LIPC: variants seen among roughly 807,000 people sequenced by gnomAD.
LIPC encodes the protein hepatic triacylglycerol lipase.
In LIPC, 44 loss-of-function variants were observed where a neutral mutation model predicts 50.7. The ratio of observed to expected loss-of-function variants is 0.87; its 90% CI spans 0.68 to 1.11. LIPC has a LOEUF of 1.11. LIPC is among the 50% of genes most tolerant of loss of function. LIPC has a pLI of 0.00. For missense variants in LIPC, 697 were observed against 648.2 expected (o/e 1.08, Z -0.82); for synonymous variants, 271 against 256.4 (o/e 1.06, Z -0.54).
intron 1 of LIPC, among the ~76,000 whole-genome samples, chr15:58,437,814 G>C (rs555756486): frequency 6.6e-6 from 1 of 152,324 alleles, no homozygotes; most frequent in Non-Finnish European, 1.5e-5. Flanking sequence ...AATCAGCAGA[G>C]GGCCAGCCCC....
At chr15:58,488,852 T>G (rs1891468262) in intron 1 of LIPC, among the ~76,000 whole-genome samples, 1 of 152,182 alleles carries the variant, frequency 6.6e-6, no homozygotes, top group Non-Finnish European at 1.5e-5. Context: ...AGGGATGAAT[T>G]CCCTATTACA....
At chr15:58,543,730 G>A (rs1005215788) in intron 4 of LIPC, among the ~76,000 whole-genome samples, 8 of 152,112 alleles carry the variant, frequency 5.3e-5, no homozygotes, top group South Asian at 4.1e-4. Context: ...TCTGCCTCCC[G>A]GGTTCAAGCG....
intron 1 of LIPC, among the ~76,000 whole-genome samples, chr15:58,450,653 C>T (rs1283868681): frequency 1.3e-5 from 2 of 152,214 alleles, no homozygotes; most frequent in African/African-American, 4.8e-5. Context: ...TGGGACCACA[C>T]AAGCTACCCA....
chr15:58,448,935 A>T (rs485671), intron 1 of LIPC, among the ~76,000 whole-genome samples: 1 of 152,064 alleles, frequency 6.6e-6, no homozygotes, highest in Non-Finnish European at 1.5e-5. Context: ...AGGCTTGTCT[A>T]CCCTGAAGGA....
chr15:58,539,877 C>T (rs1000659749), intron 2 of LIPC, among the ~76,000 whole-genome samples: 2 of 152,184 alleles, frequency 1.3e-5, no homozygotes, highest in Non-Finnish European at 2.9e-5. Flanking sequence ...CTGTAAGACA[C>T]AGTCCCAAAC....
chr15:58,566,405 C>A (rs1344216226), intron 8 of LIPC: 1 of 985,104 alleles, frequency 1.0e-6, no homozygotes, highest in Non-Finnish European at 1.2e-6. Context: ...CAAACAATAA[C>A]TTCACTCTTC....
chr15:58,457,305 T>A (rs576927809), intron 1 of LIPC, among the ~76,000 whole-genome samples: 1 of 152,292 alleles, frequency 6.6e-6, no homozygotes, highest in Non-Finnish European at 1.5e-5. Context: ...AGACAGGGTT[T>A]CTCCACTTTG....
intron 1 of LIPC, among the ~76,000 whole-genome samples, chr15:58,483,468 C>T (rs1195701584): frequency 1.3e-5 from 2 of 152,146 alleles, no homozygotes; most frequent in African/African-American, 2.4e-5. Context: ...AGATTTTGCT[C>T]CTGGCAGAGG....
chr15:58,568,793 T>C lies in LIPC; in HGVS notation c.1466T>C (p.Ile489Thr). The C allele has an allele frequency of 6.2e-7, 1 of 1,608,910 alleles. No individual in the cohort carries two copies. Among genetic ancestry groups the C allele is most frequent in the Non-Finnish European group, 8.5e-7 (1 of 1,176,062 alleles). The change falls in exon 9 of 9, where the codon ATA becomes ACA. Residue 489 changes from isoleucine to threonine, a missense_variant. Transcript: ENST00000299022. Reference sequence around the variant, plus strand: ...GAAAAAATCTTCGTGAAATGTGAAATAAAGTCTAAAACATCAAAGCGAAAG... The same window carrying C: ...GAAAAAATCTTCGTGAAATGTGAAACAAAGTCTAAAACATCAAAGCGAAAG... ...TQEKIFVKCE[I>T]KSKTSKRKIR is the part of the protein sequence containing the mutation.
chr15:58,471,202 T>G (rs1894783806), intron 1 of LIPC, among the ~76,000 whole-genome samples: 1 of 145,822 alleles, frequency 6.9e-6, no homozygotes, highest in Non-Finnish European at 1.5e-5. Flanking sequence ...AGTGGTGTCA[T>G]CTCGGTTCAC....
chr15:58,516,467 T>C (rs939290644), intron 1 of LIPC, among the ~76,000 whole-genome samples: 1 of 152,170 alleles, frequency 6.6e-6, no homozygotes, highest in African/African-American at 2.4e-5. Flanking sequence ...TACATATATA[T>C]GAGGCCTCTT....
At chr15:58,561,694 T>C (rs1894167677) in intron 7 of LIPC, among the ~76,000 whole-genome samples, 1 of 152,172 alleles carries the variant, frequency 6.6e-6, no homozygotes, top group African/African-American at 2.4e-5. Flanking sequence ...GGTAAAATAG[T>C]TTAATTTCTT....
At chr15:58,561,590 A>G (rs1047762861) in intron 7 of LIPC, among the ~76,000 whole-genome samples, 4 of 152,248 alleles carry the variant, frequency 2.6e-5, no homozygotes, top group Non-Finnish European at 5.9e-5. Flanking sequence ...AAAGATCTGG[A>G]TAGGGAAGGG....
At chr15:58,546,277 G>A (rs1276838899) in intron 5 of LIPC, among the ~76,000 whole-genome samples, 1 of 152,344 alleles carries the variant, frequency 6.6e-6, no homozygotes, top group African/African-American at 2.4e-5. Flanking sequence ...CTCTCCCGGG[G>A]TACCAGCTCT....
At chr15:58,497,651 T>C (rs1406763938) in intron 1 of LIPC, 1 of 152,476 alleles carries the variant, frequency 6.6e-6, no homozygotes, top group African/African-American at 2.4e-5. Context: ...ATACCTCCCA[T>C]GATATGCCTT....
chr15:58,502,176 T>C (rs112684615), intron 1 of LIPC, among the ~76,000 whole-genome samples: 4,496 of 152,044 alleles, frequency 0.03, 217 homozygotes, highest in African/African-American at 0.1. Context: ...CACCATGACA[T>C]CTTCTCATTT....
chr15:58,441,146 T>C (rs1893495201), intron 1 of LIPC, among the ~76,000 whole-genome samples: 1 of 152,226 alleles, frequency 6.6e-6, no homozygotes, highest in Admixed American at 6.5e-5. Context: ...GGGACCAGTT[T>C]TGCAAGCTCA....
intron 1 of LIPC, among the ~76,000 whole-genome samples, chr15:58,477,238 C>T (rs1250802230): frequency 6.6e-6 from 1 of 152,220 alleles, no homozygotes; most frequent in African/African-American, 2.4e-5. Flanking sequence ...TTGATTTTGT[C>T]TGCCAAGATA....
chr15:58,438,044 G>T (rs1177885285), intron 1 of LIPC, among the ~76,000 whole-genome samples: 2 of 152,128 alleles, frequency 1.3e-5, no homozygotes, highest in African/African-American at 4.8e-5. Context: ...AAACTGCAGG[G>T]CTGACGGTTG....
Sources: allele counts gnomAD v4.1 joint callset (sites outside exome capture counted in the v4.1 genomes callset), GRCh38; gene constraint gnomAD v4.1.1; transcripts MANE v1.5; gene names NCBI Gene and HGNC (gene_info 2026-07-23, HGNC 2026-07-21).